The following FRMD4A variants were observed in gnomAD, a reference collection of about 807,000 sequenced individuals.
The protein encoded by FRMD4A is FERM domain containing 4A.
A neutral mutation model predicts 129.1 loss-of-function variants in FRMD4A; 29 were observed. That is an observed-to-expected ratio of 0.22 (90% CI 0.17 to 0.31). The LOEUF is 0.31. Among genes scored for constraint, FRMD4A ranks in the 10% least tolerant of loss-of-function variants. The pLI, the probability that FRMD4A is intolerant of heterozygous loss-of-function variation, is 1.00. For missense variants in FRMD4A, 1,272 were observed against 1,375.8 expected, an observed-to-expected ratio of 0.92 and a Z score of 1.19; for synonymous variants, 634 against 571.6, an observed-to-expected ratio of 1.11 and a Z score of -1.56.
intron 2 of FRMD4A, among the ~76,000 whole-genome samples, chr10:13,964,839 T>A (rs370311589): frequency 1.3e-5 from 2 of 151,940 alleles, no homozygotes; most frequent in Non-Finnish European, 2.9e-5. Context: ...CAGGTGCCCA[T>A]CACAGCCAGC....
intron 2 of FRMD4A, among the ~76,000 whole-genome samples, chr10:13,881,062 G>A (rs954159584): frequency 6.6e-6 from 1 of 152,118 alleles, no homozygotes; most frequent in East Asian, 1.9e-4. Flanking sequence ...GAATGAACTT[G>A]TGGCACTCAA....
At chr10:14,319,349 C>CCTCTCTCTCTCTCTCTCTCTCCCTCTCT (rs10645584) in intron 2 of FRMD4A, among the ~76,000 whole-genome samples, 1 of 137,302 alleles carries the variant, frequency 7.3e-6, no homozygotes, top group Non-Finnish European at 1.5e-5. Context: ...ATCTCTCTCT[C>CCTCTCTCTCTCTCTCTCTCTCCCTCTCT]CTCTCTCTCT....
intron 2 of FRMD4A, among the ~76,000 whole-genome samples, chr10:14,119,885 G>C (rs994740155): frequency 3.9e-4 from 60 of 152,236 alleles, no homozygotes; most frequent in African/African-American, 1.3e-3. Context: ...GGGCAGAGCA[G>C]GTGACAGCTG....
At chr10:13,656,365 A>ACAAGGAGAAAT (rs1248294772) in intron 22 of FRMD4A, among the ~76,000 whole-genome samples, 4 of 152,206 alleles carry the variant, frequency 2.6e-5, no homozygotes, top group African/African-American at 9.6e-5. Flanking sequence ...TTCTGTCTTT[A>ACAAGGAGAAAT]CAAGGAGAAA....
chr10:13,788,854 T>C (rs1476669830), intron 5 of FRMD4A, among the ~76,000 whole-genome samples: 30 of 152,250 alleles, frequency 2.0e-4, no homozygotes. Context: ...AGTGAAAGCC[T>C]CTGGTTGCAA....
intron 2 of FRMD4A, among the ~76,000 whole-genome samples, chr10:14,141,926 G>C (rs74125314): frequency 0.013 from 1,964 of 152,170 alleles, 39 homozygotes; most frequent in African/African-American, 0.045. Context: ...ATTCAATAAA[G>C]GTCGATAGCC....
chr10:14,271,366 A>C (rs1013629990), intron 2 of FRMD4A, among the ~76,000 whole-genome samples: 2 of 152,242 alleles, frequency 1.3e-5, no homozygotes, highest in Admixed American at 6.5e-5. Context: ...CTCAGGGTGC[A>C]AGGCAGGGCC....
At chr10:14,210,493 A>C (rs1307208973) in intron 2 of FRMD4A, among the ~76,000 whole-genome samples, 1 of 152,194 alleles carries the variant, frequency 6.6e-6, no homozygotes, top group Non-Finnish European at 1.5e-5. Context: ...GAGGTCCCTG[A>C]ACACATACCC....
intron 5 of FRMD4A, among the ~76,000 whole-genome samples, chr10:13,794,593 G>A (rs547759528): frequency 2.6e-5 from 4 of 152,216 alleles, no homozygotes; most frequent in East Asian, 3.9e-4. Context: ...CAGGAAACAA[G>A]TGGAATGTGA....
intron 17 of FRMD4A, chr10:13,668,284 G>C (rs1171957705): frequency 6.6e-6 from 1 of 152,234 alleles, no homozygotes; most frequent in Non-Finnish European, 1.5e-5. Context: ...GTCACCAAGG[G>C]ACAAAGACTG....
At chr10:14,209,908 G>C (rs2131954197) in intron 2 of FRMD4A, among the ~76,000 whole-genome samples, 1 of 152,148 alleles carries the variant, frequency 6.6e-6, no homozygotes, top group Non-Finnish European at 1.5e-5. Context: ...GCTCAGGAGA[G>C]ACACACAGAG....
intron 15 of FRMD4A, among the ~76,000 whole-genome samples, chr10:13,683,331 T>C (rs1226808766): frequency 2.6e-5 from 4 of 151,740 alleles, no homozygotes; most frequent in Admixed American, 1.3e-4. Context: ...TCACCTCTAA[T>C]GCCAGCACTT....
At chr10:13,853,667 C>T (rs71479842) in intron 3 of FRMD4A, among the ~76,000 whole-genome samples, 1 of 151,912 alleles carries the variant, frequency 6.6e-6, no homozygotes, top group Admixed American at 6.6e-5. Flanking sequence ...AACCCTGTCT[C>T]TACTAAAAAT....
chr10:13,975,573 T>C (rs1163983748), intron 2 of FRMD4A, among the ~76,000 whole-genome samples: 1 of 151,972 alleles, frequency 6.6e-6, no homozygotes, highest in Non-Finnish European at 1.5e-5. Flanking sequence ...TGTCTGTGTC[T>C]GTCTCTGTGA....
intron 15 of FRMD4A, among the ~76,000 whole-genome samples, chr10:13,676,738 C>T (rs1048374911): frequency 1.4e-4 from 21 of 152,238 alleles, no homozygotes; most frequent in African/African-American, 4.8e-4. Flanking sequence ...GCAAGATCTC[C>T]ACCGCGAAAA....
chr10:14,282,937 T>C (rs1845568913), intron 2 of FRMD4A, among the ~76,000 whole-genome samples: 1 of 152,192 alleles, frequency 6.6e-6, no homozygotes, highest in Non-Finnish European at 1.5e-5. Flanking sequence ...AAGCCTTAGC[T>C]ACAACCAGAA....
At chr10:14,166,780 C>T (rs2131878607) in intron 2 of FRMD4A, among the ~76,000 whole-genome samples, 1 of 152,328 alleles carries the variant, frequency 6.6e-6, no homozygotes, top group East Asian at 1.9e-4. Flanking sequence ...GTGGAATTTG[C>T]CCATATTATT....
At chr10:14,192,964 A>G (rs1310965612) in intron 2 of FRMD4A, among the ~76,000 whole-genome samples, 1 of 152,256 alleles carries the variant, frequency 6.6e-6, no homozygotes, top group African/African-American at 2.4e-5. Flanking sequence ...TAATGCCACA[A>G]AAAGAAATAA....
chr10:13,981,738 CAAAAAAA>C (rs55829400), intron 2 of FRMD4A, among the ~76,000 whole-genome samples: 2 of 97,676 alleles, frequency 2.0e-5, no homozygotes, highest in East Asian at 2.2e-4. Context: ...GACTCCGTGT[CAAAAAAA>C]AAAAAAAAAA....
Sources: allele counts gnomAD v4.1 joint callset (sites outside exome capture counted in the v4.1 genomes callset), GRCh38; gene constraint gnomAD v4.1.1; transcripts MANE v1.5; gene names NCBI Gene and HGNC (gene_info 2026-07-23, HGNC 2026-07-21).